The following GOSR1 variants were observed in gnomAD, a reference collection of about 807,000 sequenced individuals.
The protein encoded by GOSR1 is 28 kDa Golgi SNARE protein.
A neutral mutation model predicts 35.5 loss-of-function variants in GOSR1; 21 were observed. That is an observed-to-expected ratio of 0.59 (90% CI 0.42 to 0.85). The LOEUF (loss-of-function observed/expected upper bound fraction) is 0.85, where lower values mean the gene tolerates loss of function less well. GOSR1 is among the 40% of genes least tolerant of loss of function. GOSR1 has a pLI of 0.00. For missense variants in GOSR1, 285 were observed against 309.6 expected (o/e 0.92, Z 0.60); for synonymous variants, 94 against 106.6 (o/e 0.88, Z 0.73).
intron 2 of GOSR1, 67 bp from the exon 3 acceptor site, chr17:30,484,147 T>A (rs1191352807): frequency 2.4e-6 from 2 of 818,872 alleles, no homozygotes; most frequent in Non-Finnish European, 4.4e-6. Flanking sequence ...AATCACCTTA[T>A]TATTTTAAGT....
intron 2 of GOSR1, 50 bp from the exon 3 acceptor site, chr17:30,484,164 T>TA (rs1914526759): frequency 1.1e-6 from 1 of 913,586 alleles, no homozygotes; most frequent in East Asian, 2.4e-5. Flanking sequence ...AAGTATGTTT[T>TA]AAAGGACTGA....
At chr17:30,484,857 T>A in intron 4 of GOSR1, 87 bp downstream of exon 4, 1 of 760,416 alleles carries the variant, frequency 1.3e-6, no homozygotes, top group Non-Finnish European at 2.4e-6. Context: ...TGTGCACATA[T>A]ATTTAAAAGG....
At chr17:30,489,965 C>G (rs1286692108) in intron 4 of GOSR1, among the ~76,000 whole-genome samples, 161 bp from the exon 5 acceptor site, 1 of 152,210 alleles carries the variant, frequency 6.6e-6, no homozygotes, top group Non-Finnish European at 1.5e-5. Flanking sequence ...GGTCACTCTT[C>G]AGGAAAGTAA....
chr17:30,479,723 TG>T, intron 1 of GOSR1: 1 of 152,422 alleles, frequency 6.6e-6, no homozygotes. Flanking sequence ...TTAGCTAGGA[TG>T]GTCTTGATCT....
intron 4 of GOSR1, among the ~76,000 whole-genome samples, chr17:30,487,827 G>A (rs906305109): frequency 3.3e-5 from 5 of 152,044 alleles, no homozygotes; most frequent in African/African-American, 1.2e-4. Context: ...GAGTATTGGA[G>A]TGCAATGGTG....
At position 30,522,002 on chromosome 17, in the gene GOSR1, CCTCT is replaced by C. The variant is rs763927937; in HGVS notation, c.623-245_623-242del. The stretch of plus-strand genomic sequence containing the variant: ...GAACTGTCATCGTCCTTTTCTTCTC[CCTCT>C]CTCTCTATTACTATTCTTATTTGTG... On this transcript the variant is annotated intron_variant, in intron 8 of 8. Coordinates refer to ENST00000451249, the MANE Select transcript of GOSR1 (RefSeq NM_001007025.2). 2.4e-4 allele frequency among the ~76,000 whole-genome samples: 37 copies of C among 152,002 alleles called. 1 individual carries two copies. Among genetic ancestry groups the C allele is most frequent in the Admixed American group, 6.6e-4 (10 of 15,252 alleles).
chr17:30,496,680 A>G (rs559443313), intron 6 of GOSR1, among the ~76,000 whole-genome samples: 2 of 152,320 alleles, frequency 1.3e-5, no homozygotes, highest in African/African-American at 4.8e-5. Context: ...TCTCCTTCCC[A>G]GAGATGGCAG....
At chr17:30,515,900 A>C (rs549653131) in intron 7 of GOSR1, among the ~76,000 whole-genome samples, 12 of 152,166 alleles carry the variant, frequency 7.9e-5, no homozygotes, top group Non-Finnish European at 1.6e-4. Flanking sequence ...CAGCATTAAA[A>C]CACATAGGAA....
intron 6 of GOSR1, among the ~76,000 whole-genome samples, chr17:30,497,639 A>G (rs1290150293): frequency 2.0e-5 from 3 of 152,240 alleles, no homozygotes; most frequent in Non-Finnish European, 4.4e-5. Context: ...AGAATAGAAA[A>G]GTATACTCAT....
intron 7 of GOSR1, among the ~76,000 whole-genome samples, chr17:30,516,540 C>T (rs1339013102): frequency 6.6e-6 from 1 of 151,800 alleles, no homozygotes; most frequent in African/African-American, 2.4e-5. Context: ...CCTGAAGCAA[C>T]TTGTGTTAAC....
At chr17:30,509,253 G>C (rs1231389451) in intron 6 of GOSR1, among the ~76,000 whole-genome samples, 2 of 152,178 alleles carry the variant, frequency 1.3e-5, no homozygotes, top group African/African-American at 2.4e-5. Context: ...GGGATTACAG[G>C]TGTGAGCCAC....
At chr17:30,482,959 T>C (rs1475629325) in intron 2 of GOSR1, 1 of 152,180 alleles carries the variant, frequency 6.6e-6, no homozygotes, top group Non-Finnish European at 1.5e-5. Flanking sequence ...ACTGGCTTTG[T>C]AGAATTACTT....
rs1914584038 is a variant in GOSR1 at position 30,484,895 on chromosome 17, T to A, written c.342+125T>A. On this transcript the variant is annotated intron_variant, in intron 4 of 8. Transcript: ENST00000451249. ...AAAGAGAAAAATCTGAGAAAATAAA[T>A]GCCATGCTAAAGGGACTTGTTTTAC... 3 of 710,828 alleles carry A rather than the reference T, an allele frequency of 4.2e-6. No homozygotes were observed. The Middle Eastern group carries it at 7.0e-4, about 165-fold the overall frequency. 44.0% of individuals were successfully genotyped at this position (710,828 alleles called of 1,614,324 possible).
chr17:30,513,513 T>G lies in GOSR1; in HGVS notation c.539+2604T>G, dbSNP rs563577003. Among the ~76,000 whole-genome samples, 3 of 152,306 alleles carry G rather than the reference T, an allele frequency of 2.0e-5. No homozygotes were observed. The East Asian group carries it at 5.8e-4, about 29-fold the overall frequency. ...TAGATATACTTTGTGGTACTGGAAATCATGCATCTTCAACAAGTTAACATA... is the reference window on the plus strand; with the variant it reads ...TAGATATACTTTGTGGTACTGGAAAGCATGCATCTTCAACAAGTTAACATA... On this transcript the variant is annotated intron_variant, in intron 7 of 8. Coordinates refer to ENST00000451249, the MANE Select transcript of GOSR1 (RefSeq NM_001007025.2).
intron 6 of GOSR1, among the ~76,000 whole-genome samples, chr17:30,501,132 G>T (rs143617759): frequency 6.6e-6 from 1 of 151,918 alleles, no homozygotes; most frequent in African/African-American, 2.4e-5. Flanking sequence ...CGCCCGCCTC[G>T]GCCTCCCAAA....
At chr17:30,490,852 C>T (rs1914998517) in intron 5 of GOSR1, among the ~76,000 whole-genome samples, 1 of 152,020 alleles carries the variant, frequency 6.6e-6, no homozygotes, top group Non-Finnish European at 1.5e-5. Context: ...AATTTTTTTA[C>T]AACTGAACAC....
At chr17:30,496,225 G>A (rs1448307794) in intron 6 of GOSR1, among the ~76,000 whole-genome samples, 6 of 152,122 alleles carry the variant, frequency 3.9e-5, no homozygotes, top group Non-Finnish European at 7.3e-5. Flanking sequence ...TGACTCTTCA[G>A]CCATCCGGTA....
chr17:30,509,085 C>G (rs1211976063), intron 6 of GOSR1, among the ~76,000 whole-genome samples: 2 of 152,122 alleles, frequency 1.3e-5, no homozygotes, highest in Non-Finnish European at 2.9e-5. Context: ...AAGCGATTCT[C>G]CTGCCTCAGC....
chr17:30,502,126 A>G (rs535248759), intron 6 of GOSR1, among the ~76,000 whole-genome samples: 8 of 152,372 alleles, frequency 5.3e-5, no homozygotes, highest in Admixed American at 4.6e-4. Context: ...TATAATTTTA[A>G]CTATATAACA....
Sources: allele counts gnomAD v4.1 joint callset (sites outside exome capture counted in the v4.1 genomes callset), GRCh38; gene constraint gnomAD v4.1.1; transcripts MANE v1.5; gene names NCBI Gene and HGNC (gene_info 2026-07-23, HGNC 2026-07-21).